Variants in USP25 observed in about 807,000 individuals in gnomAD.
USP25 encodes ubiquitin carboxyl-terminal hydrolase 25.
A neutral mutation model predicts 158.5 loss-of-function variants in USP25; 85 were observed. The observed-to-expected ratio is 0.54, with a 90% CI of 0.45 to 0.64. The LOEUF (loss-of-function observed/expected upper bound fraction) is 0.64, where lower values mean the gene tolerates loss of function less well. Among genes scored for constraint, USP25 ranks in the 30% least tolerant of loss-of-function variants. The pLI is 0.00. For synonymous variants in USP25, 464 were observed against 460.4 expected (o/e 1.01, Z -0.10); for missense variants, 1,242 against 1,327.3 (o/e 0.94, Z 1.00).
chr21:15,773,742 T>A (rs1413286999), intron 3 of USP25, among the ~76,000 whole-genome samples: 1 of 152,166 alleles, frequency 6.6e-6, no homozygotes, highest in Non-Finnish European at 1.5e-5. Context: ...TACATAAAAT[T>A]TACTATTTTA....
intron 9 of USP25, among the ~76,000 whole-genome samples, chr21:15,817,438 A>C (rs1201214767): frequency 3.3e-5 from 5 of 152,216 alleles, no homozygotes; most frequent in Admixed American, 6.5e-5. Context: ...CACTTCACAC[A>C]GGGACTTTAA....
At chr21:15,752,185 G>A (rs1017698220) in intron 1 of USP25, among the ~76,000 whole-genome samples, 1 of 151,874 alleles carries the variant, frequency 6.6e-6, no homozygotes, top group Non-Finnish European at 1.5e-5. Context: ...TGCCTGCCTC[G>A]GCCTCGCAAA....
At chr21:15,775,166 G>A (rs1305790117) in intron 3 of USP25, among the ~76,000 whole-genome samples, 1 of 152,056 alleles carries the variant, frequency 6.6e-6, no homozygotes, top group Non-Finnish European at 1.5e-5. Context: ...TATATTTGGG[G>A]AAAAAACATC....
Position 15,842,462 on chromosome 21 carries a change from G to A in USP25, c.2259G>A (p.Leu753=), listed in dbSNP as rs1426612912. ...QPSRSDFSKH[L]KEETIQIITK... ...CAAGAAGTGATTTCTCAAAGCACTT[G>A]AAAGAAGAAACTATTCAAATAATTA... The change falls in exon 18 of 26, where the codon TTG becomes TTA. Residue 753 remains leucine, a synonymous_variant. Coordinates refer to ENST00000400183, the MANE Select transcript of USP25 (RefSeq NM_001283041.3). 1.9e-6 allele frequency: 3 copies of A among 1,613,768 alleles called. No homozygotes were observed. Among genetic ancestry groups the A allele is most frequent in the Non-Finnish European group, 2.5e-6 (3 of 1,179,768 alleles).
At chr21:15,804,647 A>C in intron 6 of USP25, among the ~76,000 whole-genome samples, 1 of 151,984 alleles carries the variant, frequency 6.6e-6, no homozygotes, top group South Asian at 2.1e-4. Flanking sequence ...CGTTGACTTG[A>C]AGGAGTCTGG....
chr21:15,781,846 A>G (rs2034983082), intron 4 of USP25, among the ~76,000 whole-genome samples: 2 of 152,180 alleles, frequency 1.3e-5, no homozygotes, highest in Non-Finnish European at 2.9e-5. Context: ...AGTTGCTGAA[A>G]GTGCATGTGG....
intron 9 of USP25, among the ~76,000 whole-genome samples, chr21:15,812,163 A>G (rs940254009): frequency 6.6e-6 from 1 of 150,934 alleles, no homozygotes; most frequent in Non-Finnish European, 1.5e-5. Context: ...TTATATATAT[A>G]TGTAGAATAT....
Position 15,826,441 on chromosome 21 carries a change from G to T in USP25, c.1466+76G>T. 6.6e-7 allele frequency: 1 copy of T among 1,521,168 alleles called. No individual in the cohort carries two copies. Among genetic ancestry groups the T allele is most frequent in the Non-Finnish European group, 9.0e-7 (1 of 1,111,472 alleles). The allele number at this position is 1,521,168 out of a possible 1,614,324, so 94.2% of individuals were successfully genotyped here. On this transcript the variant is annotated intron_variant, in intron 13 of 25. Transcript: ENST00000400183. This position sits in a 1 kb window ranked among gnomAD's most constrained non-coding sequence, Gnocchi z 4.8. Reference sequence around the variant, plus strand: ...AATGTAACTGCTGCCTTTAAAGACAGTTTCTATAAAATGTATGCTTTGATT... The same window carrying T: ...AATGTAACTGCTGCCTTTAAAGACATTTTCTATAAAATGTATGCTTTGATT...
At chr21:15,780,072 A>G (rs1012591226) in intron 4 of USP25, among the ~76,000 whole-genome samples, 4 of 152,306 alleles carry the variant, frequency 2.6e-5, no homozygotes, top group Admixed American at 6.5e-5. Flanking sequence ...GATGCATTTT[A>G]AAGGAAGACA....
chr21:15,810,818 G>A (rs192460537), intron 8 of USP25, among the ~76,000 whole-genome samples: 119 of 152,294 alleles, frequency 7.8e-4, no homozygotes, highest in African/African-American at 2.7e-3. Context: ...ATTGAAATGT[G>A]TAATGATGAT....
At position 15,766,089 on chromosome 21, in the gene USP25, A is replaced by T; in HGVS notation, c.216A>T (p.Thr72=). 1 of 1,610,866 alleles carries T rather than the reference A, an allele frequency of 6.2e-7. No individual in the cohort carries two copies. The change falls in exon 3 of 26, where the codon ACA becomes ACT. Residue 72 remains threonine, a synonymous_variant. Transcript: ENST00000400183. This position sits in a 1 kb window ranked among gnomAD's most constrained non-coding sequence, Gnocchi z 4.0. ...AGGAGGAGACAACTTACTACCAAAC[A>T]GCACTTCCTGGCAATGATAGATACA... is the stretch of plus-strand genomic sequence containing the variant. ...PQQEETTYYQ[T]ALPGNDRYIS... is the part of the protein sequence containing the mutation.
chr21:15,738,245 A>C (rs1181298993), intron 1 of USP25, among the ~76,000 whole-genome samples: 1 of 152,174 alleles, frequency 6.6e-6, no homozygotes, highest in Non-Finnish European at 1.5e-5. Flanking sequence ...CTGGAAAAGA[A>C]AGTTCTTTGC....
At chr21:15,850,545 A>G (rs2038838142) in intron 20 of USP25, among the ~76,000 whole-genome samples, 1 of 150,556 alleles carries the variant, frequency 6.6e-6, no homozygotes, top group Non-Finnish European at 1.5e-5. Flanking sequence ...TTAACTGAAA[A>G]TCTTCAAGTT....
intron 3 of USP25, among the ~76,000 whole-genome samples, chr21:15,772,258 A>G (rs1217304699): frequency 1.3e-5 from 2 of 152,316 alleles, no homozygotes; most frequent in African/African-American, 4.8e-5. Context: ...TACTCATGGT[A>G]TTCCTTTGTA....
At chr21:15,806,550 G>A (rs571257386) in intron 7 of USP25, among the ~76,000 whole-genome samples, 6 of 152,088 alleles carry the variant, frequency 3.9e-5, no homozygotes, top group Admixed American at 6.5e-5. Context: ...GGGCTTTTCA[G>A]TTTGAGTTAG....
chr21:15,738,244 A>G (rs78476805), intron 1 of USP25, among the ~76,000 whole-genome samples: 11,593 of 152,228 alleles, frequency 0.076, 503 homozygotes, highest in East Asian at 0.098. Flanking sequence ...ACTGGAAAAG[A>G]AAGTTCTTTG....
Position 15,730,174 on chromosome 21 carries a change from G to A in USP25, c.-220G>A, listed in dbSNP as rs2030638389. The A allele has an allele frequency of 7.8e-6, 2 of 254,828 alleles. No individual in the cohort carries two copies. The highest frequency in any genetic ancestry group is 1.2e-5 in the Non-Finnish European group (2 of 162,680). 15.8% of individuals were successfully genotyped at this position (254,828 alleles called of 1,614,324 possible). ...GCTGAGGCGGGCCGCGTGGAGACGT[G>A]AGGCGGCCGCCGTGGCCCTCACAGT... On this transcript the variant is annotated 5_prime_UTR_variant, in exon 1 of 26. Coordinates refer to ENST00000400183, the MANE Select transcript of USP25 (RefSeq NM_001283041.3).
intron 3 of USP25, among the ~76,000 whole-genome samples, chr21:15,774,899 G>A (rs2034548765): frequency 6.6e-6 from 1 of 152,134 alleles, no homozygotes; most frequent in African/African-American, 2.4e-5. Context: ...TGCATCATTG[G>A]TGCAAATGTG....
At chr21:15,791,759 T>A in intron 5 of USP25, 95 bp downstream of exon 5, 1 of 1,325,402 alleles carries the variant, frequency 7.5e-7, no homozygotes, top group Non-Finnish European at 1.0e-6. Context: ...TAAAGATAAG[T>A]ACAGATAAGT....
Sources: gnomAD v4.1 joint callset for allele counts (sites outside exome capture counted in the v4.1 genomes callset) on GRCh38, gnomAD v4.1.1 for gene constraint, Gnocchi (gnomAD v3.1) non-coding constraint, MANE v1.5 for transcripts, NCBI Gene and HGNC (gene_info 2026-07-23, HGNC 2026-07-21) for gene names.